MAP4K4: variants seen among roughly 807,000 people sequenced by gnomAD.
MAP4K4 encodes mitogen-activated protein kinase kinase kinase kinase 4, also known as HPK/GCK-like kinase HGK.
Under a neutral mutation model 189.6 loss-of-function variants are expected in MAP4K4, and 38 were observed. That is an observed-to-expected ratio of 0.20 (90% CI 0.15 to 0.26). The LOEUF (loss-of-function observed/expected upper bound fraction) is 0.26, where lower values mean the gene tolerates loss of function less well. MAP4K4 is among the 10% of genes least tolerant of loss of function. The pLI, the probability that MAP4K4 is intolerant of heterozygous loss-of-function variation, is 1.00. For synonymous variants in MAP4K4, 610 were observed against 624.3 expected, an observed-to-expected ratio of 0.98 and a Z score of 0.34; for missense variants, 1,054 against 1,726.9, an observed-to-expected ratio of 0.61 and a Z score of 6.91.
At chr2:101,841,041 A>T (rs1355872673) in intron 10 of MAP4K4, among the ~76,000 whole-genome samples, 2 of 152,180 alleles carry the variant, frequency 1.3e-5, no homozygotes, top group African/African-American at 4.8e-5. Context: ...ATATTGGATC[A>T]TTTTCCCATG....
intron 3 of MAP4K4, among the ~76,000 whole-genome samples, chr2:101,818,728 C>T (rs1316172666): frequency 1.3e-5 from 2 of 152,250 alleles, no homozygotes; most frequent in East Asian, 3.9e-4. Context: ...GTTCTCCACC[C>T]CCACCCTCTG....
intron 26 of MAP4K4, 31 bp downstream of exon 26, chr2:101,874,283 C>G (rs757310079): frequency 2.5e-6 from 4 of 1,575,976 alleles, no homozygotes; most frequent in East Asian, 2.3e-5. Flanking sequence ...CCAACACTTT[C>G]ATTTTTGTTC....
At chr2:101,838,898 G>A (rs1262853799) in intron 9 of MAP4K4, among the ~76,000 whole-genome samples, 1 of 152,206 alleles carries the variant, frequency 6.6e-6, no homozygotes, top group African/African-American at 2.4e-5. Flanking sequence ...CATACCTATT[G>A]TGGCATGCAT....
chr2:101,707,857 ATTT>A (rs55877251), intron 2 of MAP4K4, among the ~76,000 whole-genome samples: 12 of 136,240 alleles, frequency 8.8e-5, no homozygotes, highest in Non-Finnish European at 1.1e-4. Flanking sequence ...CGCCTGGCTA[ATTT>A]TTTTTTTTTT....
chr2:101,712,216 A>G (rs1315933053), intron 2 of MAP4K4, among the ~76,000 whole-genome samples: 2 of 151,670 alleles, frequency 1.3e-5, no homozygotes, highest in East Asian at 1.9e-4. Context: ...TTTTTTTGAG[A>G]TGGAGTGTCG....
At chr2:101,859,989 T>C in intron 15 of MAP4K4, 125 bp downstream of exon 15, 1 of 1,000,874 alleles carries the variant, frequency 1.0e-6, no homozygotes, top group Non-Finnish European at 1.5e-6. Flanking sequence ...TTCTTCATTT[T>C]CTAACTAGGA....
intron 3 of MAP4K4, among the ~76,000 whole-genome samples, chr2:101,809,652 A>T (rs1302601724): frequency 6.6e-6 from 1 of 152,214 alleles, no homozygotes; most frequent in East Asian, 1.9e-4. Flanking sequence ...AACTTGACTC[A>T]AATATTCCAT....
chr2:101,719,576 C>A (rs2050482514), intron 2 of MAP4K4, among the ~76,000 whole-genome samples: 1 of 152,304 alleles, frequency 6.6e-6, no homozygotes, highest in East Asian at 1.9e-4. Flanking sequence ...GGTGTAAGTA[C>A]AATCAGGGAG....
At chr2:101,872,222 A>G (rs10171391) in intron 24 of MAP4K4, among the ~76,000 whole-genome samples, 5,110 of 151,462 alleles carry the variant, frequency 0.034, 293 homozygotes, top group African/African-American at 0.12. Flanking sequence ...GTTTTCACCA[A>G]CCCTGTTAAG....
chr2:101,837,981 A>G (rs552355248), intron 9 of MAP4K4, among the ~76,000 whole-genome samples: 2 of 152,350 alleles, frequency 1.3e-5, no homozygotes, highest in African/African-American at 4.8e-5. Flanking sequence ...TTCTAAAAGG[A>G]TGAGAAAATT....
chr2:101,815,215 A>ATTC (rs368096285), intron 3 of MAP4K4, among the ~76,000 whole-genome samples: 1 of 152,140 alleles, frequency 6.6e-6, no homozygotes, highest in South Asian at 2.1e-4. Flanking sequence ...TTATGATTAT[A>ATTC]TTCTTCTATT....
intron 2 of MAP4K4, among the ~76,000 whole-genome samples, chr2:101,737,965 T>G (rs1344185796): frequency 6.6e-6 from 1 of 152,180 alleles, no homozygotes; most frequent in African/African-American, 2.4e-5. Context: ...GCTCTGGAAG[T>G]ATTTTGAGAT....
chr2:101,887,646 T>C (rs1026226988), intron 30 of MAP4K4, 132 bp from the exon 31 acceptor site: 4 of 647,254 alleles, frequency 6.2e-6, no homozygotes, highest in Non-Finnish European at 1.0e-5. Flanking sequence ...TATTCTAAAA[T>C]GTTAATCTAA....
chr2:101,809,728 CTTTG>C (rs367608785), intron 3 of MAP4K4, among the ~76,000 whole-genome samples: 19 of 152,286 alleles, frequency 1.2e-4, no homozygotes, highest in South Asian at 4.1e-4. Context: ...GCATCTGTTG[CTTTG>C]TTTGTTTGGG....
At chr2:101,732,292 C>G in intron 2 of MAP4K4, among the ~76,000 whole-genome samples, 1 of 152,108 alleles carries the variant, frequency 6.6e-6, no homozygotes, top group Non-Finnish European at 1.5e-5. Context: ...GATTACCCCT[C>G]AGGAGTGTAA....
rs374761626 is a variant in MAP4K4 at position 101,803,798 on chromosome 2, C to G, written c.180+13022C>G. 1.8e-4 allele frequency among the ~76,000 whole-genome samples: 27 copies of G among 152,258 alleles called. No individual in the cohort carries two copies. The East Asian group carries it at 2.5e-3, about 14-fold the overall frequency. On this transcript the variant is annotated intron_variant, in intron 3 of 32. Coordinates refer to ENST00000324219, the Ensembl canonical transcript of MAP4K4. ...TGTTTAATTAGAGAAACGGACCCCC[C>G]CTTCACTACCATTAGCATAATACCC...
chr2:101,807,511 T>C (rs939146110), intron 3 of MAP4K4, among the ~76,000 whole-genome samples: 1 of 152,224 alleles, frequency 6.6e-6, no homozygotes, highest in African/African-American at 2.4e-5. Flanking sequence ...TCTGTCTCAT[T>C]AGTTCCTAGA....
intron 12 of MAP4K4, among the ~76,000 whole-genome samples, chr2:101,844,802 A>T (rs998913248): frequency 6.6e-6 from 1 of 151,948 alleles, no homozygotes; most frequent in Non-Finnish European, 1.5e-5. Flanking sequence ...GGGGATGCAG[A>T]TGAGGACAAA....
intron 3 of MAP4K4, among the ~76,000 whole-genome samples, chr2:101,815,949 G>T (rs925657272): frequency 6.6e-6 from 1 of 152,188 alleles, no homozygotes; most frequent in African/African-American, 2.4e-5. Context: ...CTTCTAGGGG[G>T]AATTGCTTGC....
Sources: allele counts gnomAD v4.1 joint callset (sites outside exome capture counted in the v4.1 genomes callset), GRCh38; gene constraint gnomAD v4.1.1; transcripts MANE v1.5; gene names NCBI Gene and HGNC (gene_info 2026-07-23, HGNC 2026-07-21).